The following TRAF3IP3 variants were observed in gnomAD, a reference collection of about 807,000 sequenced individuals.
The protein encoded by TRAF3IP3 is TRAF3 interacting protein 3.
In TRAF3IP3, 64 loss-of-function variants were observed where a neutral mutation model predicts 86.5. The ratio of observed to expected loss-of-function variants is 0.74; its 90% CI spans 0.60 to 0.91. The LOEUF (loss-of-function observed/expected upper bound fraction) is 0.91, where lower values mean the gene tolerates loss of function less well. Ranked by LOEUF, TRAF3IP3 falls within the 40% of genes least tolerant of loss-of-function variation. The pLI, the probability that TRAF3IP3 is intolerant of heterozygous loss-of-function variation, is 0.00. For synonymous variants in TRAF3IP3, 220 were observed against 243.9 expected, an observed-to-expected ratio of 0.90 and a Z score of 0.91; for missense variants, 579 against 642.9, an observed-to-expected ratio of 0.90 and a Z score of 1.07.
chr1:209,756,767 G>A (rs1455674031), intron 1 of TRAF3IP3, among the ~76,000 whole-genome samples: 1 of 152,152 alleles, frequency 6.6e-6, no homozygotes, highest in African/African-American at 2.4e-5. Context: ...TACAAACATG[G>A]CCAGGAAGTA....
Position 209,775,199 on chromosome 1 carries a change from T to G in TRAF3IP3, c.775-150T>G, listed in dbSNP as rs1335328790. ...CTCTCATTGCCTGAGGGACTCTTCT[T>G]GCTAGCTCTACCCTAAAAGAAATGG... On this transcript the variant is annotated intron_variant, in intron 9 of 16. Coordinates refer to ENST00000367025, the MANE Select transcript of TRAF3IP3 (RefSeq NM_025228.4). The G allele has an allele frequency of 6.9e-6, 5 of 729,558 alleles. No individual in the cohort carries two copies. In the African/African-American group the frequency reaches 8.9e-5, roughly 13 times the overall value. The allele number at this position is 729,558 out of a possible 1,614,324, so 45.2% of individuals were successfully genotyped here.
Position 209,781,947 on chromosome 1 carries a change from C to T in TRAF3IP3, c.1564-109C>T, listed in dbSNP as rs146491144. 4.1e-4 allele frequency: 352 copies of T among 867,674 alleles called. 2 individuals are homozygous for T. In the African/African-American group the frequency reaches 5.4e-3, roughly 13 times the overall value. 53.7% of individuals were successfully genotyped at this position (867,674 alleles called of 1,614,324 possible). ...AGAGTAAAAAGCTTTTTCTCCACCA[C>T]CAACCCAGCGTTTTCCACTGGGCTA... On this transcript the variant is annotated intron_variant, in intron 16 of 16. Transcript: ENST00000367025.
chr1:209,778,346 T>C (rs1490048651), intron 13 of TRAF3IP3, 173 bp downstream of exon 13: 8 of 545,210 alleles, frequency 1.5e-5, no homozygotes, highest in Non-Finnish European at 2.3e-5. Context: ...CTCCATAAAT[T>C]ATGTGTTAGC....
intron 9 of TRAF3IP3, among the ~76,000 whole-genome samples, chr1:209,774,150 T>A (rs1454130099): frequency 6.6e-6 from 1 of 152,182 alleles, no homozygotes; most frequent in Non-Finnish European, 1.5e-5. Context: ...TCACAGGGCA[T>A]AAAGATGAAA....
At chr1:209,770,877 TGGA>T (rs1371155741) in intron 8 of TRAF3IP3, among the ~76,000 whole-genome samples, 2 of 127,040 alleles carry the variant, frequency 1.6e-5, no homozygotes, top group African/African-American at 3.1e-5. Context: ...GTGTGCCATG[TGGA>T]GGTGTGCGTG....
chr1:209,779,541 ACTT>A, intron 14 of TRAF3IP3, 167 bp downstream of exon 14: 1 of 721,414 alleles, frequency 1.4e-6, no homozygotes, highest in Non-Finnish European at 2.6e-6. Context: ...CTCTGAGGAC[ACTT>A]CAACTAGTTA....
At chr1:209,771,357 G>A (rs1204394857) in intron 8 of TRAF3IP3, among the ~76,000 whole-genome samples, 13 of 144,456 alleles carry the variant, frequency 9.0e-5, no homozygotes, top group East Asian at 2.0e-4. Context: ...GGAGGTGTGC[G>A]TGTGCAGCTG....
chr1:209,770,381 A>G (rs2077442995), intron 8 of TRAF3IP3, among the ~76,000 whole-genome samples: 2 of 151,336 alleles, frequency 1.3e-5, no homozygotes, highest in Non-Finnish European at 2.9e-5. Flanking sequence ...GTGCGTGTGC[A>G]TGTGGAGGTG....
intron 8 of TRAF3IP3, among the ~76,000 whole-genome samples, chr1:209,764,150 T>C (rs941950474): frequency 3.3e-5 from 5 of 152,282 alleles, no homozygotes; most frequent in Middle Eastern, 3.4e-3. Flanking sequence ...TTTTAGTCCA[T>C]TCAATGTACA....
Position 209,782,050 on chromosome 1 carries a change from C to G in TRAF3IP3, c.1564-6C>G, listed in dbSNP as rs749519656. The stretch of plus-strand genomic sequence containing the variant: ...CACTTTCTTCTGTCTCCCTGTCCCC[C>G]TACAGAGGCAATGTGGGCGATGGCT... On this transcript the variant is annotated splice_region_variant and splice_polypyrimidine_tract_variant and intron_variant, in intron 16 of 16. Coordinates refer to ENST00000367025, the MANE Select transcript of TRAF3IP3 (RefSeq NM_025228.4). 1 of 1,613,064 alleles carries G rather than the reference C, an allele frequency of 6.2e-7. No individual in the cohort carries two copies. The highest frequency in any genetic ancestry group is 1.1e-5 in the South Asian group (1 of 91,050).
Position 209,778,155 on chromosome 1 carries a change from A to G in TRAF3IP3, c.1234A>G (p.Arg412Gly). 2 of 1,614,106 alleles carry G rather than the reference A, an allele frequency of 1.2e-6. No homozygotes were observed. The highest frequency in any genetic ancestry group is 1.7e-6 in the Non-Finnish European group (2 of 1,179,946). Reference sequence around the variant, plus strand: ...GGCAGAGAAACTCACCCTGGTGACCAGAGTACAGCAGTTGCAGGGTAAGTT... The same window carrying G: ...GGCAGAGAAACTCACCCTGGTGACCGGAGTACAGCAGTTGCAGGGTAAGTT... ...SEAEKLTLVT[R>G]VQQLQGLLQN... The change falls in exon 13 of 17, where the codon AGA becomes GGA. Residue 412 changes from arginine (R) to glycine (G), a missense_variant. By Grantham distance (125) the Arg-to-Gly change is moderately radical (BLOSUM62 -2). Transcript: ENST00000367025.
At chr1:209,781,736 G>A (rs371316865) in intron 16 of TRAF3IP3, 1 of 482,112 alleles carries the variant, frequency 2.1e-6, no homozygotes, top group Non-Finnish European at 3.7e-6. Flanking sequence ...AAGCATGGTG[G>A]CAAGAACAGA....
chr1:209,781,882 T>C, intron 16 of TRAF3IP3, 174 bp from the exon 17 acceptor site: 1 of 595,906 alleles, frequency 1.7e-6, no homozygotes, highest in African/African-American at 1.9e-5. Flanking sequence ...GAACATTGGT[T>C]AAGTGGTTTT....
At chr1:209,779,602 C>G in intron 14 of TRAF3IP3, 1 of 653,808 alleles carries the variant, frequency 1.5e-6, no homozygotes, top group South Asian at 1.7e-5. Flanking sequence ...TTTCTATTCT[C>G]TCTGAAAGCA....
intron 3 of TRAF3IP3, among the ~76,000 whole-genome samples, chr1:209,761,878 A>G (rs1402538666): frequency 2.8e-5 from 2 of 71,650 alleles, no homozygotes; most frequent in South Asian, 3.7e-4. Context: ...GTAGAGAGAG[A>G]AAAAAAAACA....
intron 1 of TRAF3IP3, 114 bp from the exon 2 acceptor site, chr1:209,758,920 T>C (rs2077199282): frequency 1.3e-5 from 2 of 152,338 alleles, no homozygotes; most frequent in Non-Finnish European, 1.5e-5. Flanking sequence ...GTCTAGGTGC[T>C]ATGTGAATAT....
At chr1:209,772,573 G>C (rs755319765) in intron 8 of TRAF3IP3, among the ~76,000 whole-genome samples, 11 of 152,146 alleles carry the variant, frequency 7.2e-5, no homozygotes, top group Non-Finnish European at 1.6e-4. Context: ...ACAGGGAAAA[G>C]TCCACGTACA....
At chr1:209,779,651 C>T in intron 14 of TRAF3IP3, 1 of 603,104 alleles carries the variant, frequency 1.7e-6, no homozygotes, top group Non-Finnish European at 2.9e-6. Context: ...TTATTTTGAA[C>T]TCAGGATTTC....
Position 209,759,984 on chromosome 1 carries a change from C to A in TRAF3IP3, c.-56C>A. On this transcript the variant is annotated splice_region_variant and 5_prime_UTR_variant, in exon 3 of 17. Coordinates refer to ENST00000367025, the MANE Select transcript of TRAF3IP3 (RefSeq NM_025228.4). ...TCCTCCCTCTTGGCATTTGGCAGAT[C>A]CAGGCATCTATTCCAGGAACTGGAA... 6.9e-7 allele frequency: 1 copy of A among 1,458,240 alleles called. No individual in the cohort carries two copies. The highest frequency in any genetic ancestry group is 9.5e-7 in the Non-Finnish European group (1 of 1,050,402). The allele number at this position is 1,458,240 out of a possible 1,614,324, so 90.3% of individuals were successfully genotyped here.
Sources: allele counts gnomAD v4.1 joint callset (sites outside exome capture counted in the v4.1 genomes callset), GRCh38; gene constraint gnomAD v4.1.1; transcripts MANE v1.5; gene names NCBI Gene and HGNC (gene_info 2026-07-23, HGNC 2026-07-21).